MCU: variants seen among roughly 807,000 people sequenced by gnomAD.
The protein encoded by MCU is mitochondrial calcium uniporter.
MCU carries 12 observed loss-of-function variants against 45.2 expected under a neutral mutation model. The observed-to-expected ratio is 0.27, with a 90% CI of 0.17 to 0.43. The LOEUF is 0.43. Among genes scored for constraint, MCU ranks in the 20% least tolerant of loss-of-function variants. The probability of loss-of-function intolerance (pLI) is 1.00; values close to 1 mark genes in which losing one functional copy is unlikely to be tolerated. For synonymous variants in MCU, 160 were observed against 165.1 expected (o/e 0.97, Z 0.24); for missense variants, 324 against 436.7 (o/e 0.74, Z 2.30).
chr10:72,843,604 A>G (rs1183792504), intron 2 of MCU, among the ~76,000 whole-genome samples: 1 of 152,226 alleles, frequency 6.6e-6, no homozygotes, highest in Non-Finnish European at 1.5e-5. Context: ...GAATAAAGCT[A>G]CTACAAACAT....
At chr10:72,839,741 CAGG>C (rs1845018366) in intron 2 of MCU, among the ~76,000 whole-genome samples, 1 of 149,326 alleles carries the variant, frequency 6.7e-6, no homozygotes, top group South Asian at 2.1e-4. Flanking sequence ...ATCATGAGGT[CAGG>C]AGATCGAGAC....
At chr10:72,862,091 C>T (rs1467708079) in intron 4 of MCU, among the ~76,000 whole-genome samples, 1 of 151,460 alleles carries the variant, frequency 6.6e-6, no homozygotes, top group East Asian at 2.0e-4. Context: ...ACGCCATTCT[C>T]CTGCCTCAAC....
rs1459910169 is a variant in MCU, at chr10:72,804,056, ATATATATATATATATAT to A, written c.151-30302_151-30286del. ...TATATATATATATATATATATATAT[ATATATATATATATATAT>A]AAAATAAGAGTGCCAACAATTTACA... is the stretch of plus-strand genomic sequence containing the variant. On this transcript the variant is annotated intron_variant, in intron 1 of 7. Transcript: ENST00000373053. 5.9e-5 allele frequency among the ~76,000 whole-genome samples: 5 copies of A among 84,636 alleles called. No individual in the cohort carries two copies. The East Asian group carries it at 1.7e-3, about 29-fold the overall frequency. The allele number at this position is 84,636 out of a possible 152,430, so 55.5% of individuals were successfully genotyped here.
chr10:72,727,779 G>A (rs1368692920), intron 1 of MCU, among the ~76,000 whole-genome samples: 1 of 152,088 alleles, frequency 6.6e-6, no homozygotes, highest in Non-Finnish European at 1.5e-5. Context: ...ATTCTTGTGG[G>A]GAGAGACAGC....
At chr10:72,847,531 A>G (rs1205261056) in intron 2 of MCU, among the ~76,000 whole-genome samples, 2 of 152,196 alleles carry the variant, frequency 1.3e-5, no homozygotes, top group East Asian at 3.8e-4. Flanking sequence ...AATACTATAT[A>G]TAGGGTTCTG....
chr10:72,698,806 T>C (rs1437979327), intron 1 of MCU, among the ~76,000 whole-genome samples: 1 of 152,006 alleles, frequency 6.6e-6, no homozygotes, highest in East Asian at 1.9e-4. Context: ...TGCTCAGCCC[T>C]TTATTCTTTT....
At chr10:72,845,842 T>C (rs947671358) in intron 2 of MCU, among the ~76,000 whole-genome samples, 1 of 152,186 alleles carries the variant, frequency 6.6e-6, no homozygotes, top group Non-Finnish European at 1.5e-5. Context: ...TTTAAGTGAA[T>C]ATTTCCAGAA....
At position 72,758,902 on chromosome 10, in the gene MCU, A is replaced by G. The variant is rs112121154; in HGVS notation, c.150+66601A>G. On this transcript the variant is annotated intron_variant, in intron 1 of 7. Coordinates refer to ENST00000373053, the MANE Select transcript of MCU (RefSeq NM_138357.3). Reference sequence around the variant, plus strand: ...ATAAGTAGTGTGGAATAAGACAATGATAATACACTTAGAATAAGGTTTGAA... The same window carrying G: ...ATAAGTAGTGTGGAATAAGACAATGGTAATACACTTAGAATAAGGTTTGAA... 2.1e-3 allele frequency among the ~76,000 whole-genome samples: 327 copies of G among 152,326 alleles called. 1 individual carries two copies. The highest frequency in any genetic ancestry group is 3.5e-3 in the Non-Finnish European group (238 of 68,028).
intron 1 of MCU, among the ~76,000 whole-genome samples, chr10:72,772,232 T>G (rs1041462414): frequency 5.9e-5 from 9 of 152,214 alleles, no homozygotes; most frequent in African/African-American, 1.9e-4. Flanking sequence ...GTAGGAGGTA[T>G]GTTCCATAAG....
At chr10:72,729,956 T>A (rs1282185173) in intron 1 of MCU, among the ~76,000 whole-genome samples, 13 of 44,174 alleles carry the variant, frequency 2.9e-4, no homozygotes, top group African/African-American at 6.5e-4. Flanking sequence ...AGCATTCTTT[T>A]TTTTTTTTTT....
intron 1 of MCU, among the ~76,000 whole-genome samples, chr10:72,779,319 C>G (rs534492414): frequency 1.3e-5 from 2 of 152,196 alleles, no homozygotes; most frequent in East Asian, 3.9e-4. Flanking sequence ...GTAGGAGTTA[C>G]GACAATAAAA....
At chr10:72,824,380 T>A (rs1365438819) in intron 1 of MCU, among the ~76,000 whole-genome samples, 1 of 45,732 alleles carries the variant, frequency 2.2e-5, no homozygotes, top group African/African-American at 4.2e-5. Flanking sequence ...GTATTTTTTT[T>A]TTTTTTTTTT....
At chr10:72,791,509 C>T (rs1844160013) in intron 1 of MCU, among the ~76,000 whole-genome samples, 1 of 152,058 alleles carries the variant, frequency 6.6e-6, no homozygotes, top group South Asian at 2.1e-4. Context: ...GATAATGTTT[C>T]TCTTTTCAAG....
chr10:72,800,206 A>G (rs1303244476), intron 1 of MCU, among the ~76,000 whole-genome samples: 3 of 152,220 alleles, frequency 2.0e-5, no homozygotes, highest in African/African-American at 7.2e-5. Flanking sequence ...GTGATGCCAA[A>G]CAACCACAAA....
intron 1 of MCU, among the ~76,000 whole-genome samples, chr10:72,725,049 G>A (rs1843077520): frequency 1.3e-5 from 2 of 150,844 alleles, no homozygotes; most frequent in Non-Finnish European, 3.0e-5. Context: ...CCTGAGCCTC[G>A]ACTTCCTGGG....
In MCU at chr10:72,887,233, GAAAAGA is replaced by G. The variant is rs981226122; in HGVS notation, c.*1416_*1421del. ...TTCCTCCTTTGGGATCATTGTGTATGAAAAGAAAAACTTTAAATGACAAACCCAGAC... is the reference window on the plus strand; with the variant it reads ...TTCCTCCTTTGGGATCATTGTGTATGAAAACTTTAAATGACAAACCCAGAC... On this transcript the variant is annotated 3_prime_UTR_variant, in exon 8 of 8. Transcript: ENST00000373053. 6.6e-6 allele frequency: 1 copy of G among 152,628 alleles called. No individual in the cohort carries two copies. The highest frequency in any genetic ancestry group is 2.4e-5 in the African/African-American group (1 of 41,394). The allele number at this position is 152,628 out of a possible 1,614,324, so 9.5% of individuals were successfully genotyped here. A position where few individuals can be genotyped will look rare whatever the true frequency, so the allele number is the denominator to read the frequency against.
intron 2 of MCU, among the ~76,000 whole-genome samples, chr10:72,840,194 A>G (rs1470070283): frequency 1.3e-5 from 2 of 152,106 alleles, no homozygotes; most frequent in Non-Finnish European, 2.9e-5. Context: ...ATCCTCCCCA[A>G]CTTTGGTACA....
Position 72,746,425 on chromosome 10 carries a change from A to T in MCU, c.150+54124A>T, listed in dbSNP as rs890560374. Among the ~76,000 whole-genome samples, 3 of 152,238 alleles carry T rather than the reference A, an allele frequency of 2.0e-5. No individual in the cohort carries two copies. In the East Asian group the frequency reaches 5.8e-4, roughly 29 times the overall value. On this transcript the variant is annotated intron_variant, in intron 1 of 7. Transcript: ENST00000373053. ...AACTTTAAGTAGAGGCATAAATGTT[A>T]TCTGTGTCTATGTAAATACTACCTC...
At chr10:72,847,514 C>CA (rs1845141321) in intron 2 of MCU, among the ~76,000 whole-genome samples, 2 of 151,712 alleles carry the variant, frequency 1.3e-5, no homozygotes, top group African/African-American at 2.4e-5. Flanking sequence ...GTATGTATAG[C>CA]AAAAAAAATA....
Sources: gnomAD v4.1 joint callset for allele counts (sites outside exome capture counted in the v4.1 genomes callset) on GRCh38, gnomAD v4.1.1 for gene constraint, MANE v1.5 for transcripts, NCBI Gene and HGNC (gene_info 2026-07-23, HGNC 2026-07-21) for gene names.